The following OPA3 variants were observed in gnomAD, a reference collection of about 807,000 sequenced individuals.
OPA3 encodes optic atrophy 3 protein.
A neutral mutation model predicts 4.0 loss-of-function variants in OPA3; 6 were observed. That is an observed-to-expected ratio of 1.51 (90% confidence interval 0.83 to 2.99). OPA3 has a LOEUF of 2.99. Among genes scored for constraint, OPA3 ranks in the 30% most tolerant of loss-of-function variants. OPA3 has a pLI of 0.00. For synonymous variants in OPA3, 105 were observed against 117.1 expected, an observed-to-expected ratio of 0.90 and a Z score of 0.67; for missense variants, 235 against 256.2, an observed-to-expected ratio of 0.92 and a Z score of 0.56.
Position 45,546,406 on chromosome 19 carries a change from T to A in OPA3, c.*7108A>T, listed in dbSNP as rs1377181163. 2 of 592,076 alleles carry A rather than the reference T, an allele frequency of 3.4e-6. No individual in the cohort carries two copies. Among genetic ancestry groups the A allele is most frequent in the Non-Finnish European group, 4.2e-6 (2 of 471,878 alleles). 36.7% of individuals were successfully genotyped at this position (592,076 alleles called of 1,614,324 possible). A position where few individuals can be genotyped will look rare whatever the true frequency, so the allele number is the denominator to read the frequency against. On this transcript the variant is annotated 3_prime_UTR_variant, in exon 2 of 2. Transcript: ENST00000263275. The stretch of plus-strand genomic sequence containing the variant: ...ATATATTTTATATTCCATTATATAT[T>A]GTGTCACATAATATATGAATTATAC...
At chr19:45,536,158 G>A (rs1969115205) in intron 1 of OPA3, among the ~76,000 whole-genome samples, 1 of 147,220 alleles carries the variant, frequency 6.8e-6, no homozygotes, top group Non-Finnish European at 1.5e-5. Flanking sequence ...GAACCCAGGA[G>A]GTGGAGGTTG....
chr19:45,582,408 C>T (rs541459911), intron 1 of OPA3, among the ~76,000 whole-genome samples: 3 of 152,170 alleles, frequency 2.0e-5, no homozygotes, highest in East Asian at 1.9e-4. Context: ...GCTCCACCCC[C>T]CTCAGCCTTC....
chr19:45,550,943 G>A lies in OPA3; in HGVS notation c.*2571C>T, dbSNP rs1408953291. On this transcript the variant is annotated 3_prime_UTR_variant, in exon 2 of 2. Coordinates refer to ENST00000263275, the MANE Select transcript of OPA3 (RefSeq NM_025136.4). ...AGCTAGCAGGAAGGCCAAATGGCCC[G>A]CGGGGTTGGCAGGAGTCCCAGGGTA... 1.2e-4 allele frequency: 115 copies of A among 985,618 alleles called. No individual in the cohort carries two copies. Among genetic ancestry groups the A allele is most frequent in the Admixed American group, 2.5e-4 (4 of 16,264 alleles). The allele number at this position is 985,618 out of a possible 1,614,324, so 61.1% of individuals were successfully genotyped here.
At position 45,549,390 on chromosome 19, in the gene OPA3, C is replaced by G; in HGVS notation, c.*4124G>C. On this transcript the variant is annotated 3_prime_UTR_variant, in exon 2 of 2. Transcript: ENST00000263275. ...GGGCAGGGCAGGGCAGGGCTGAGTGCGAAGTCTCTGAGATGTGAGAGCAGC... is the reference window on the plus strand; with the variant it reads ...GGGCAGGGCAGGGCAGGGCTGAGTGGGAAGTCTCTGAGATGTGAGAGCAGC... 1 of 984,990 alleles carries G rather than the reference C, an allele frequency of 1.0e-6. No homozygotes were observed. 61.0% of individuals were successfully genotyped at this position (984,990 alleles called of 1,614,324 possible). A position where few individuals can be genotyped will look rare whatever the true frequency, so the allele number is the denominator to read the frequency against.
At chr19:45,576,365 T>C (rs991478954) in intron 1 of OPA3, among the ~76,000 whole-genome samples, 3 of 152,134 alleles carry the variant, frequency 2.0e-5, no homozygotes, top group African/African-American at 7.2e-5. Context: ...ACCCTATCTC[T>C]ACTAAAAATA....
Position 45,566,322 on chromosome 19 carries a change from G to T in OPA3, c.143-12411C>A, listed in dbSNP as rs139439456. ...AGACCACTGTGCCCTGCTAATTTTT[G>T]TATTTTTAGTAGAGTTAGGGCTCTG... On this transcript the variant is annotated intron_variant, in intron 1 of 1. Transcript: ENST00000263275. 7.9e-3 allele frequency among the ~76,000 whole-genome samples: 1,189 copies of T among 151,464 alleles called. 10 individuals carry two copies. The highest frequency in any genetic ancestry group is 0.02 in the Middle Eastern group (6 of 294).
intron 1 of OPA3, among the ~76,000 whole-genome samples, 175 bp from the exon 2 acceptor site, chr19:45,554,086 G>T (rs191216665): frequency 6.6e-6 from 1 of 152,260 alleles, no homozygotes; most frequent in African/African-American, 2.4e-5. Context: ...GAGGTCCTCG[G>T]ACTTGAGGGG....
At chr19:45,542,547 A>G (rs115521998), downstream of OPA3, among the ~76,000 whole-genome samples, 2,449 of 152,312 alleles carry the variant, frequency 0.016, 62 homozygotes, top group African/African-American at 0.056. Flanking sequence ...AGACACATCC[A>G]AACATAGAAA....
chr19:45,546,018 G>A (rs1389686534), downstream of OPA3, among the ~76,000 whole-genome samples: 1 of 151,802 alleles, frequency 6.6e-6, no homozygotes, highest in Admixed American at 6.6e-5. Flanking sequence ...TTTTCTTTAA[G>A]AAATAAAATA....
At position 45,582,200 on chromosome 19, in the gene OPA3, G is replaced by A. The variant is rs188148241; in HGVS notation, c.142+2423C>T. Among the ~76,000 whole-genome samples the A allele has an allele frequency of 3.8e-4, 57 of 149,476 alleles. 1 individual carries two copies. The highest frequency in any genetic ancestry group is 1.4e-3 in the African/African-American group (55 of 40,626). Reference sequence around the variant, plus strand: ...TTTTGAGATGGATTTTCACTCTTTCGCCTGGGCTGGAATGAAGTGACGCGA... The same window carrying A: ...TTTTGAGATGGATTTTCACTCTTTCACCTGGGCTGGAATGAAGTGACGCGA... On this transcript the variant is annotated intron_variant, in intron 1 of 1. Coordinates refer to ENST00000263275, the MANE Select transcript of OPA3 (RefSeq NM_025136.4).
At position 45,583,722 on chromosome 19, in the gene OPA3, G is replaced by A. The variant is rs543871442; in HGVS notation, c.142+901C>T. 2.0e-3 allele frequency among the ~76,000 whole-genome samples: 301 copies of A among 149,398 alleles called. 2 individuals are homozygous for A. Among genetic ancestry groups the A allele is most frequent in the African/African-American group, 7.1e-3 (288 of 40,556 alleles). ...TCACTATGTTGGCCAGGCTGGTCTC[G>A]AACTCCTGGCCTCATGTGATCCGCC... On this transcript the variant is annotated intron_variant, in intron 1 of 1. Transcript: ENST00000263275.
intron 1 of OPA3, among the ~76,000 whole-genome samples, chr19:45,583,009 G>A (rs1969878626): frequency 6.6e-6 from 1 of 152,204 alleles, no homozygotes; most frequent in Non-Finnish European, 1.5e-5. Context: ...TAGCTTGGAG[G>A]TTAGAAGCAA....
intron 1 of OPA3, among the ~76,000 whole-genome samples, chr19:45,572,489 GAGAT>G (rs1246236741): frequency 6.3e-4 from 71 of 112,268 alleles, no homozygotes; most frequent in African/African-American, 2.1e-3. Flanking sequence ...CATATATATC[GAGAT>G]ATATGAGATA....
chr19:45,579,405 G>C (rs1476923522), intron 1 of OPA3, among the ~76,000 whole-genome samples: 1 of 152,092 alleles, frequency 6.6e-6, no homozygotes, highest in South Asian at 2.1e-4. Flanking sequence ...ATTTTTAGTA[G>C]AGATGGGGTT....
chr19:45,558,907 G>A (rs1969461469), intron 1 of OPA3, among the ~76,000 whole-genome samples: 1 of 151,400 alleles, frequency 6.6e-6, no homozygotes, highest in South Asian at 2.1e-4. Context: ...TTTTGATACA[G>A]AGTCTTGCTC....
At chr19:45,574,396 CAAAAAAAAAA>C (rs779877314) in intron 1 of OPA3, among the ~76,000 whole-genome samples, 89 of 72,556 alleles carry the variant, frequency 1.2e-3, no homozygotes, top group African/African-American at 4.9e-3. Context: ...GACTCTGTCT[CAAAAAAAAAA>C]AAAAAAAAGA....
chr19:45,571,119 CTTTCA>C (rs1375429593), intron 1 of OPA3, among the ~76,000 whole-genome samples: 1 of 151,376 alleles, frequency 6.6e-6, no homozygotes, highest in African/African-American at 2.4e-5. Flanking sequence ...CTGCTAAATA[CTTTCA>C]TTTATTTATT....
At position 45,549,333 on chromosome 19, in the gene OPA3, C is replaced by T; in HGVS notation, c.*4181G>A. 1 of 982,642 alleles carries T rather than the reference C, an allele frequency of 1.0e-6. No individual in the cohort carries two copies. Among genetic ancestry groups the T allele is most frequent in the Non-Finnish European group, 1.2e-6 (1 of 829,552 alleles). 60.9% of individuals were successfully genotyped at this position (982,642 alleles called of 1,614,324 possible). A position where few individuals can be genotyped will look rare whatever the true frequency, so the allele number is the denominator to read the frequency against. On this transcript the variant is annotated 3_prime_UTR_variant, in exon 2 of 2. Transcript: ENST00000263275. ...ACGCCGCAGTGGGGGAAGTAGATGG[C>T]CCTGCTGCCCACGATGACTGGCTGC...
At chr19:45,559,846 G>A (rs563850210) in intron 1 of OPA3, among the ~76,000 whole-genome samples, 1 of 151,958 alleles carries the variant, frequency 6.6e-6, no homozygotes, top group East Asian at 2.0e-4. Context: ...GGCTTAACAC[G>A]AGGCCGGCCT....
Sources: gnomAD v4.1 joint callset for allele counts (sites outside exome capture counted in the v4.1 genomes callset) on GRCh38, gnomAD v4.1.1 for gene constraint, MANE v1.5 for transcripts, NCBI Gene and HGNC (gene_info 2026-07-23, HGNC 2026-07-21) for gene names.